Variants in DNAH9 observed in about 807,000 individuals in gnomAD.
DNAH9 encodes the protein DNAH9 variant protein.
Under a neutral mutation model 471.6 loss-of-function variants are expected in DNAH9, and 345 were observed. That is an observed-to-expected ratio of 0.73 (90% CI 0.67 to 0.80). The LOEUF (loss-of-function observed/expected upper bound fraction) is 0.80. Among genes scored for constraint, DNAH9 ranks in the 30% least tolerant of loss-of-function variants. The probability of loss-of-function intolerance (pLI) is 0.00; values close to 1 mark genes in which losing one functional copy is unlikely to be tolerated. For missense variants in DNAH9, 5,407 were observed against 5,609.2 expected, an observed-to-expected ratio of 0.96 and a Z score of 1.15; for synonymous variants, 2,093 against 2,123.6, an observed-to-expected ratio of 0.99 and a Z score of 0.40.
intron 43 of DNAH9, among the ~76,000 whole-genome samples, chr17:11,806,802 T>G (rs953640233): frequency 6.6e-6 from 1 of 152,166 alleles, no homozygotes; most frequent in African/African-American, 2.4e-5. Context: ...TTTTGTACAA[T>G]GCAGAGCCAT....
chr17:11,700,213 A>G (rs1356367750), intron 23 of DNAH9, among the ~76,000 whole-genome samples: 1 of 152,200 alleles, frequency 6.6e-6, no homozygotes, highest in Non-Finnish European at 1.5e-5. Flanking sequence ...AGACGTCAAC[A>G]TGGCAACCCC....
rs1253794533 is a variant in DNAH9, at chr17:11,843,863, G to GTGTGTGTGTATATATA, written c.9507+8966_9507+8967insGTGTGTGTATATATAT. 1.7e-3 allele frequency among the ~76,000 whole-genome samples: 80 copies of GTGTGTGTGTATATATA among 46,466 alleles called. 1 individual carries two copies. The highest frequency in any genetic ancestry group is 9.0e-3 in the South Asian group (13 of 1,448). 30.5% of individuals were successfully genotyped at this position (46,466 alleles called of 152,430 possible). A position where few individuals can be genotyped will look rare whatever the true frequency, so the allele number is the denominator to read the frequency against. ...TGTTTGTGTGTGTGTGTGTGTGTGT[G>GTGTGTGTGTATATATA]TATATATATATATATATATATATAT... On this transcript the variant is annotated intron_variant, in intron 49 of 68. Transcript: ENST00000262442.
At position 11,931,535 on chromosome 17, in the gene DNAH9, T is replaced by C. The variant is rs1016720253; in HGVS notation, c.12106-479T>C. 2.7e-4 allele frequency among the ~76,000 whole-genome samples: 41 copies of C among 152,132 alleles called. 6 individuals carry two copies. The highest frequency in any genetic ancestry group is 2.3e-3 in the Admixed American group (35 of 15,274). On this transcript the variant is annotated intron_variant, in intron 63 of 68. Coordinates refer to ENST00000262442, the MANE Select transcript of DNAH9 (RefSeq NM_001372.4). ...CTGGGCGGGAAGCTTCCACAAAGAT[T>C]CAAGGAGCAAAACACATTCAGTACC...
At chr17:11,762,770 G>GTTGTTTGTTT (rs1967746481) in intron 35 of DNAH9, among the ~76,000 whole-genome samples, 2 of 90,744 alleles carry the variant, frequency 2.2e-5, no homozygotes, top group Admixed American at 1.4e-4. Context: ...TTTTTTTTTT[G>GTTGTTTGTTT]TTTTTTTTTT....
intron 49 of DNAH9, among the ~76,000 whole-genome samples, chr17:11,851,315 A>G (rs2150967741): frequency 6.6e-6 from 1 of 151,998 alleles, no homozygotes; most frequent in African/African-American, 2.4e-5. Context: ...TGGGGTTTTC[A>G]CCATGTTGGC....
intron 26 of DNAH9, among the ~76,000 whole-genome samples, chr17:11,705,816 A>T (rs978572997): frequency 3.9e-5 from 6 of 152,324 alleles, no homozygotes; most frequent in Admixed American, 3.9e-4. Context: ...CATTCTATGC[A>T]TGTAATAAAA....
Position 11,612,220 on chromosome 17 carries a change from C to A in DNAH9, c.904+440C>A. ...CCTGTGTGACCAACTCCAGGGTGGT[C>A]ATGTGAGTCCATCTGTCCTAATCAA... On this transcript the variant is annotated intron_variant, in intron 4 of 68. Transcript: ENST00000262442. 2.4e-5 allele frequency: 8 copies of A among 338,378 alleles called. No homozygotes were observed. The South Asian group carries it at 3.1e-4, about 13-fold the overall frequency. The allele number at this position is 338,378 out of a possible 1,614,324, so 21.0% of individuals were successfully genotyped here.
intron 49 of DNAH9, among the ~76,000 whole-genome samples, chr17:11,844,985 T>TC (rs559255074): frequency 6.6e-4 from 95 of 144,720 alleles, no homozygotes; most frequent in African/African-American, 2.3e-3. Flanking sequence ...CTTTGTCCAC[T>TC]TTTTTTTTAC....
rs200042295 is a variant in DNAH9 at position 11,720,273 on chromosome 17, A to C, written c.5709+783A>C. Among the ~76,000 whole-genome samples the C allele has an allele frequency of 7.3e-4, 110 of 151,376 alleles. 2 individuals are homozygous for C. The East Asian group carries it at 0.016, about 22-fold the overall frequency. ...TTTTTCTTTTTTTAATTATACTTTA[A>C]GTTCTAGGGTACATGTGCACAACGT... On this transcript the variant is annotated intron_variant, in intron 27 of 68. Coordinates refer to ENST00000262442, the MANE Select transcript of DNAH9 (RefSeq NM_001372.4).
intron 26 of DNAH9, among the ~76,000 whole-genome samples, chr17:11,713,318 G>A (rs1396975945): frequency 6.6e-6 from 1 of 152,040 alleles, no homozygotes; most frequent in Non-Finnish European, 1.5e-5. Flanking sequence ...GGACATTTAG[G>A]TTGATTCTCT....
chr17:11,744,811 G>T lies in DNAH9; in HGVS notation c.6126G>T (p.Trp2042Cys). The T allele has an allele frequency of 6.2e-7, 1 of 1,612,878 alleles. No individual in the cohort carries two copies. Among genetic ancestry groups the T allele is most frequent in the Non-Finnish European group, 8.5e-7 (1 of 1,179,132 alleles). ...ELLSKQDHYD[W>C]GLRAIKSVLV... Reference sequence around the variant, plus strand: ...ACTGCCCACAGGATCACTACGACTGGGGCCTACGGGCCATCAAGTCCGTGC... The same window carrying T: ...ACTGCCCACAGGATCACTACGACTGTGGCCTACGGGCCATCAAGTCCGTGC... The change falls in exon 31 of 69, where the codon TGG (tryptophan) becomes TGT (cysteine). Residue 2042 changes from tryptophan to cysteine, a missense_variant. Transcript: ENST00000262442.
Position 11,623,026 on chromosome 17 carries a change from T to G in DNAH9, c.1350+3245T>G, listed in dbSNP as rs1320950036. 6.9e-5 allele frequency among the ~76,000 whole-genome samples: 10 copies of G among 145,460 alleles called. No individual in the cohort carries two copies. Among genetic ancestry groups the G allele is most frequent in the African/African-American group, 2.3e-4 (9 of 39,170 alleles). On this transcript the variant is annotated intron_variant, in intron 6 of 68. Coordinates refer to ENST00000262442, the MANE Select transcript of DNAH9 (RefSeq NM_001372.4). This position sits in a 1 kb window ranked among gnomAD's most constrained non-coding sequence, Gnocchi z 4.1. ...TTTGCTCTTGTTGCCCAGGCTGGAG[T>G]GCAGTGGCACAATCTCGGCTCACGA... is the stretch of plus-strand genomic sequence containing the variant.
chr17:11,622,257 G>A (rs374002114), intron 6 of DNAH9, among the ~76,000 whole-genome samples: 5 of 152,292 alleles, frequency 3.3e-5, no homozygotes, highest in Middle Eastern at 3.4e-3. Context: ...GAGAAAATGC[G>A]TGAGAGAGAA....
chr17:11,657,964 A>T (rs900499259), intron 14 of DNAH9, among the ~76,000 whole-genome samples: 3 of 152,076 alleles, frequency 2.0e-5, no homozygotes, highest in Admixed American at 1.3e-4. Flanking sequence ...CCTGCAATTC[A>T]GTTTTTCCTT....
intron 41 of DNAH9, among the ~76,000 whole-genome samples, chr17:11,786,604 C>T (rs914171643): frequency 2.6e-5 from 4 of 152,126 alleles, no homozygotes; most frequent in African/African-American, 9.7e-5. Context: ...ATGACAAAAC[C>T]GAGCCACAGA....
chr17:11,776,730 C>T (rs1388009098), intron 38 of DNAH9, among the ~76,000 whole-genome samples: 1 of 152,200 alleles, frequency 6.6e-6, no homozygotes, highest in African/African-American at 2.4e-5. Context: ...CATCTGATAT[C>T]TAGAGCATAT....
intron 7 of DNAH9, among the ~76,000 whole-genome samples, 182 bp downstream of exon 7, chr17:11,629,766 T>A (rs935762182): frequency 1.3e-5 from 2 of 152,226 alleles, no homozygotes; most frequent in African/African-American, 2.4e-5. Flanking sequence ...AGAGAAAGAT[T>A]CTAATTATTC....
chr17:11,948,318 T>G (rs1975219548), intron 67 of DNAH9, among the ~76,000 whole-genome samples: 2 of 137,028 alleles, frequency 1.5e-5, no homozygotes, highest in Admixed American at 1.7e-4. Context: ...AAGCTCCACC[T>G]CTTGGGTTCA....
intron 13 of DNAH9, among the ~76,000 whole-genome samples, chr17:11,652,280 C>CTTTTTTTCT (rs2073525347): frequency 1.3e-5 from 1 of 79,148 alleles, no homozygotes; most frequent in East Asian, 4.6e-4. Context: ...TAAGGGTAGG[C>CTTTTTTTCT]TTTTTTTTTT....
Sources: allele counts gnomAD v4.1 joint callset (sites outside exome capture counted in the v4.1 genomes callset), GRCh38; gene constraint gnomAD v4.1.1; non-coding constraint Gnocchi (gnomAD v3.1); transcripts MANE v1.5; gene names NCBI Gene and HGNC (gene_info 2026-07-23, HGNC 2026-07-21).